Variants in COL14A1 observed in about 807,000 individuals in gnomAD.
COL14A1 encodes the protein collagen type XIV alpha 1 chain.
COL14A1 carries 136 observed loss-of-function variants against 230.3 expected under a neutral mutation model. The observed-to-expected ratio is 0.59, with a 90% confidence interval of 0.51 to 0.68. The LOEUF is 0.68. COL14A1 is among the 30% of genes least tolerant of loss of function. The pLI, the probability that COL14A1 is intolerant of heterozygous loss-of-function variation, is 0.00. For synonymous variants in COL14A1, 792 were observed against 784.1 expected (o/e 1.01, Z -0.17); for missense variants, 1,976 against 2,215.8 (o/e 0.89, Z 2.17).
At position 120,371,158 on chromosome 8, in the gene COL14A1, A is replaced by G. The variant is rs1823572845; in HGVS notation, c.5318A>G (p.His1773Arg). 1 of 1,609,588 alleles carries G rather than the reference A, an allele frequency of 6.2e-7. No homozygotes were observed. Among genetic ancestry groups the G allele is most frequent in the Non-Finnish European group, 8.5e-7 (1 of 1,178,150 alleles). ...SCSAYGVRAP[H>R]PDQPEFTPVQ... ...CCCCACTTTTCCTCTTTAGCTCCCC[A>G]TCCAGATCAGCCAGAGTTCACCCCT... Residue 1773 changes from histidine (H) to arginine (R), a missense_variant, in exon 48 of 48, where the codon CAT (histidine) becomes CGT (arginine). Transcript: ENST00000297848.
chr8:120,311,022 T>A (rs1253713160), intron 37 of COL14A1, among the ~76,000 whole-genome samples: 1 of 152,114 alleles, frequency 6.6e-6, no homozygotes, highest in Non-Finnish European at 1.5e-5. Context: ...CATTGCAAGG[T>A]TTTTTACCAT....
At chr8:120,300,055 TC>T (rs1820661864) in intron 35 of COL14A1, among the ~76,000 whole-genome samples, 1 of 152,152 alleles carries the variant, frequency 6.6e-6, no homozygotes, top group South Asian at 2.1e-4. Context: ...TGCTCTGTCT[TC>T]CTCTGCATTC....
intron 22 of COL14A1, among the ~76,000 whole-genome samples, chr8:120,251,791 A>C (rs999859541): frequency 9.2e-5 from 14 of 152,282 alleles, no homozygotes; most frequent in African/African-American, 3.4e-4. Flanking sequence ...CCAAATTTTC[A>C]TAGATACCCT....
rs182720150 is a variant in COL14A1 at position 120,348,309 on chromosome 8, A to G, written c.5077+2746A>G. Among the ~76,000 whole-genome samples the G allele has an allele frequency of 2.4e-3, 343 of 140,774 alleles. 1 individual carries two copies. The highest frequency in any genetic ancestry group is 4.4e-3 in the Non-Finnish European group (282 of 64,454). 92.4% of individuals were successfully genotyped at this position (140,774 alleles called of 152,430 possible). A position where few individuals can be genotyped will look rare whatever the true frequency, so the allele number is the denominator to read the frequency against. On this transcript the variant is annotated intron_variant, in intron 45 of 47. Coordinates refer to ENST00000297848, the MANE Select transcript of COL14A1 (RefSeq NM_021110.4). ...TATATATGAAGCATATATAAAGCAT[A>G]TATATATATATATATGTATATGATT...
At chr8:120,241,079 G>A (rs1400491117) in intron 19 of COL14A1, among the ~76,000 whole-genome samples, 2 of 152,148 alleles carry the variant, frequency 1.3e-5, no homozygotes, top group African/African-American at 4.8e-5. Flanking sequence ...GCAAGAATAC[G>A]TCTAGAGTAA....
At chr8:120,305,857 C>T (rs6994888) in intron 36 of COL14A1, among the ~76,000 whole-genome samples, 82,132 of 151,968 alleles carry the variant, frequency 0.54, 24,002 homozygotes, top group African/African-American at 0.79. Context: ...CCAGAAGTTT[C>T]TACCAGATAT....
At chr8:120,183,518 A>T (rs1816541067) in intron 5 of COL14A1, among the ~76,000 whole-genome samples, 2 of 152,198 alleles carry the variant, frequency 1.3e-5, no homozygotes, top group South Asian at 4.1e-4. Flanking sequence ...CCTTCTGGGC[A>T]TATAGAATCC....
intron 5 of COL14A1, among the ~76,000 whole-genome samples, chr8:120,174,579 T>C (rs909566482): frequency 3.3e-5 from 5 of 152,210 alleles, no homozygotes; most frequent in African/African-American, 1.2e-4. Flanking sequence ...TCACTGGAGA[T>C]ATGTTTGAAC....
At chr8:120,354,374 T>G (rs1822899864) in intron 45 of COL14A1, among the ~76,000 whole-genome samples, 1 of 110,264 alleles carries the variant, frequency 9.1e-6, no homozygotes, top group Non-Finnish European at 1.7e-5. Flanking sequence ...ACATGTACCC[T>G]AAAACTTAAA....
intron 19 of COL14A1, among the ~76,000 whole-genome samples, chr8:120,242,003 A>G (rs1331211287): frequency 6.6e-6 from 1 of 152,244 alleles, no homozygotes; most frequent in Non-Finnish European, 1.5e-5. Flanking sequence ...AATTTCACAT[A>G]GAAGTAATTA....
At chr8:120,270,534 A>G (rs1819627138) in intron 26 of COL14A1, among the ~76,000 whole-genome samples, 1 of 151,810 alleles carries the variant, frequency 6.6e-6, no homozygotes, top group Non-Finnish European at 1.5e-5. Context: ...ACACCTTACT[A>G]TAGATCATGT....
chr8:120,355,125 T>A (rs1793670875), intron 45 of COL14A1, among the ~76,000 whole-genome samples: 1 of 152,208 alleles, frequency 6.6e-6, no homozygotes, highest in Non-Finnish European at 1.5e-5. Flanking sequence ...TATTTGTCAA[T>A]TGCTTTTCTG....
Position 120,229,380 on chromosome 8 carries a change from C to T in COL14A1, c.2197+611C>T, listed in dbSNP as rs935176389. On this transcript the variant is annotated intron_variant, in intron 18 of 47. Transcript: ENST00000297848. Reference sequence around the variant, plus strand: ...TGTGGTGTTTGGTTTTTTGTCCTTGCGATAGTTTACTGAGAATGATGATTT... The same window carrying T: ...TGTGGTGTTTGGTTTTTTGTCCTTGTGATAGTTTACTGAGAATGATGATTT... Among the ~76,000 whole-genome samples the T allele has an allele frequency of 8.0e-4, 120 of 150,442 alleles. 1 individual carries two copies. Among genetic ancestry groups the T allele is most frequent in the Admixed American group, 1.9e-3 (28 of 14,978 alleles).
At chr8:120,231,723 A>T in intron 19 of COL14A1, 105 bp downstream of exon 19, 1 of 1,182,902 alleles carries the variant, frequency 8.5e-7, no homozygotes. Flanking sequence ...TTTCTCAGTG[A>T]CTCTGCCATC....
chr8:120,361,344 A>C (rs1213571694), intron 45 of COL14A1, among the ~76,000 whole-genome samples: 1 of 152,230 alleles, frequency 6.6e-6, no homozygotes, highest in African/African-American at 2.4e-5. Flanking sequence ...GCTCATTTAC[A>C]TATAAAACAA....
chr8:120,187,480 G>A (rs1231378858), intron 5 of COL14A1, among the ~76,000 whole-genome samples: 1 of 152,174 alleles, frequency 6.6e-6, no homozygotes, highest in Non-Finnish European at 1.5e-5. Context: ...GAGCTTTGTT[G>A]TGTTCCCAGT....
chr8:120,213,978 A>G (rs1413896331), intron 13 of COL14A1: 2 of 410,682 alleles, frequency 4.9e-6, no homozygotes, highest in South Asian at 1.8e-5. Flanking sequence ...CAAGATCTTT[A>G]TTGTCAAAGA....
rs1186304357 is a variant in COL14A1, at chr8:120,193,643, C to T, written c.437-3148C>T. 4.6e-5 allele frequency among the ~76,000 whole-genome samples: 7 copies of T among 152,274 alleles called. No homozygotes were observed. In the South Asian group the frequency reaches 1.0e-3, roughly 23 times the overall value. On this transcript the variant is annotated intron_variant, in intron 5 of 47. Coordinates refer to ENST00000297848, the MANE Select transcript of COL14A1 (RefSeq NM_021110.4). ...TGTCTTTTTGTTTGTCTGTGCCCTG[C>T]CCCCAGAGGTGGAGCCTACAGAGGC...
chr8:120,185,914 T>A (rs1816637923), intron 5 of COL14A1, among the ~76,000 whole-genome samples: 1 of 152,098 alleles, frequency 6.6e-6, no homozygotes, highest in South Asian at 2.1e-4. Flanking sequence ...CTGGGGTTAC[T>A]GACGCCTGCC....
Sources: gnomAD v4.1 joint callset for allele counts (sites outside exome capture counted in the v4.1 genomes callset) on GRCh38, gnomAD v4.1.1 for gene constraint, MANE v1.5 for transcripts, NCBI Gene and HGNC (gene_info 2026-07-23, HGNC 2026-07-21) for gene names.